Variants in ELL observed in about 807,000 individuals in gnomAD.
ELL encodes elongation factor for RNA polymerase II.
In ELL, 18 loss-of-function variants were observed where a neutral mutation model predicts 64.0. That is an observed-to-expected ratio of 0.28 (90% CI 0.19 to 0.42). ELL has a LOEUF of 0.42. Ranked by LOEUF, ELL falls within the 10% of genes least tolerant of loss-of-function variation. The pLI is 1.00. For synonymous variants in ELL, 399 were observed against 376.2 expected, an observed-to-expected ratio of 1.06 and a Z score of -0.70; for missense variants, 797 against 870.4, an observed-to-expected ratio of 0.92 and a Z score of 1.06.
intron 1 of ELL, among the ~76,000 whole-genome samples, chr19:18,487,089 G>C (rs1975433936): frequency 1.3e-5 from 2 of 152,198 alleles, no homozygotes; most frequent in African/African-American, 4.8e-5. Context: ...AAGGCCCTGT[G>C]CGTGTAGACC....
At chr19:18,456,691 AG>A (rs1190860311) in intron 6 of ELL, among the ~76,000 whole-genome samples, 1 of 152,122 alleles carries the variant, frequency 6.6e-6, no homozygotes, top group Non-Finnish European at 1.5e-5. Flanking sequence ...TACCAGGGAC[AG>A]ATCGGGTTTG....
chr19:18,450,345 A>C, intron 8 of ELL, 132 bp downstream of exon 8: 1 of 1,420,968 alleles, frequency 7.0e-7, no homozygotes, highest in South Asian at 1.4e-5. Context: ...GGCAAATCTG[A>C]TGGGGCCTGG....
intron 6 of ELL, among the ~76,000 whole-genome samples, chr19:18,455,501 A>C (rs1974649372): frequency 6.6e-6 from 1 of 151,802 alleles, no homozygotes; most frequent in Non-Finnish European, 1.5e-5. Context: ...GGAAAAAAAA[A>C]AAAAAAAGAA....
At chr19:18,498,933 GA>G (rs1975722889) in intron 1 of ELL, among the ~76,000 whole-genome samples, 1 of 149,718 alleles carries the variant, frequency 6.7e-6, no homozygotes, top group Admixed American at 6.6e-5. Flanking sequence ...CTGGGCAACA[GA>G]GCGAGACTCC....
chr19:18,488,945 A>G (rs187103251), intron 1 of ELL, among the ~76,000 whole-genome samples: 2 of 152,338 alleles, frequency 1.3e-5, no homozygotes, highest in East Asian at 3.9e-4. Flanking sequence ...CCGGCTGACC[A>G]GAGTCCTGAA....
intron 2 of ELL, among the ~76,000 whole-genome samples, chr19:18,466,893 T>C (rs139249518): frequency 7.4e-4 from 113 of 152,270 alleles, no homozygotes; most frequent in Middle Eastern, 3.4e-3. Context: ...TGTGACACCA[T>C]GAGCGCGGGA....
intron 1 of ELL, among the ~76,000 whole-genome samples, chr19:18,514,993 C>A (rs906759573): frequency 3.9e-5 from 6 of 152,328 alleles, no homozygotes; most frequent in African/African-American, 1.4e-4. Flanking sequence ...ATGTCACAAT[C>A]CGGGTGTGAT....
intron 1 of ELL, among the ~76,000 whole-genome samples, chr19:18,484,181 C>T (rs1975364016): frequency 6.6e-6 from 1 of 152,228 alleles, no homozygotes; most frequent in Non-Finnish European, 1.5e-5. Context: ...CGTTTGGCAG[C>T]CAGACGCTGT....
chr19:18,488,215 T>C (rs1341436472), intron 1 of ELL, among the ~76,000 whole-genome samples: 1 of 152,134 alleles, frequency 6.6e-6, no homozygotes, highest in Non-Finnish European at 1.5e-5. Context: ...AGGTCGTGGG[T>C]AAGCGTACAC....
chr19:18,446,868 G>A lies in ELL; in HGVS notation c.1466-54C>T, dbSNP rs1974428657. 3.1e-6 allele frequency: 5 copies of A among 1,592,154 alleles called. No homozygotes were observed. In the South Asian group the frequency reaches 5.5e-5, roughly 18 times the overall value. ...TCTGCGCCCATGGCACCGGTCGGCA[G>A]GAAGCACGCCAGGATGGGGACATGC... On this transcript the variant is annotated intron_variant, in intron 8 of 11. Transcript: ENST00000262809.
chr19:18,494,244 GAGGGGAGGGGA>G (rs931843986), intron 1 of ELL, among the ~76,000 whole-genome samples: 4 of 151,662 alleles, frequency 2.6e-5, no homozygotes, highest in African/African-American at 4.8e-5. Context: ...ATTTTAAAAA[GAGGGGAGGGGA>G]AGGGGAGGGG....
At chr19:18,516,906 G>A (rs1315304006) in intron 1 of ELL, among the ~76,000 whole-genome samples, 1 of 152,114 alleles carries the variant, frequency 6.6e-6, no homozygotes, top group African/African-American at 2.4e-5. Flanking sequence ...GGAGGCAGGT[G>A]GAGCTGAGAT....
chr19:18,492,493 A>C lies in ELL; in HGVS notation c.136-19611T>G, dbSNP rs181641641. ...CTCTGACGTGCTGTTAGTGCATCCA[A>C]CGATGGCTGTGCTGCTATCTGGAAA... On this transcript the variant is annotated intron_variant, in intron 1 of 11. Transcript: ENST00000262809. 8.0e-3 allele frequency among the ~76,000 whole-genome samples: 1,223 copies of C among 152,340 alleles called. 15 individuals are homozygous for C. The highest frequency in any genetic ancestry group is 0.028 in the African/African-American group (1,144 of 41,570).
intron 2 of ELL, among the ~76,000 whole-genome samples, chr19:18,467,852 A>AC (rs1312664002): frequency 2.7e-5 from 1 of 36,716 alleles, no homozygotes; most frequent in African/African-American, 1.7e-4. Context: ...CCTACACACA[A>AC]CCCCCCACAA....
At chr19:18,458,368 G>C (rs775897838) in intron 5 of ELL, 39 bp from the exon 6 acceptor site, 1 of 1,595,348 alleles carries the variant, frequency 6.3e-7, no homozygotes, top group Non-Finnish European at 8.6e-7. Flanking sequence ...TGGGAATCCT[G>C]AGAGAGACGG....
intron 1 of ELL, among the ~76,000 whole-genome samples, chr19:18,514,336 A>G (rs1344087651): frequency 6.6e-6 from 1 of 151,644 alleles, no homozygotes; most frequent in Non-Finnish European, 1.5e-5. Flanking sequence ...ACACGGTGAA[A>G]CCCCATCTCT....
rs34868531 is a variant in ELL at position 18,450,663 on chromosome 19, G to T, written c.1279C>A (p.Leu427Met). 3 of 1,591,544 alleles carry T rather than the reference G, an allele frequency of 1.9e-6. No individual in the cohort carries two copies. Among genetic ancestry groups the T allele is most frequent in the African/African-American group, 2.7e-5 (2 of 74,608 alleles). The change falls in exon 8 of 12, where the codon CTG (leucine) becomes ATG (methionine). Residue 427 changes from leucine (L) to methionine (M), a missense_variant. Leu to Met is a conservative substitution (Grantham distance 15). Coordinates refer to ENST00000262809, the MANE Select transcript of ELL (RefSeq NM_006532.4). ...TGGGCACAGTCCGTCAGCAGGGGCA[G>T]GCCGAGGCGCACAGTGGGGGCTGGG... Reference protein sequence around the residue: ...AAPAPTVRLGLPLLTDCAQPS... With the variant: ...AAPAPTVRLGMPLLTDCAQPS...
intron 10 of ELL, 117 bp from the exon 11 acceptor site, chr19:18,445,385 G>A (rs1051312737): frequency 6.4e-6 from 7 of 1,089,398 alleles, no homozygotes; most frequent in Non-Finnish European, 8.4e-6. Flanking sequence ...CAGCCTCAAG[G>A]ACAAGGCCAA....
In ELL at chr19:18,446,607, G is replaced by T. The variant is rs190526757; in HGVS notation, c.1533-127C>A. The T allele has an allele frequency of 1.9e-5, 28 of 1,488,812 alleles. No individual in the cohort carries two copies. The Admixed American group carries it at 4.1e-4, about 22-fold the overall frequency. The allele number at this position is 1,488,812 out of a possible 1,614,324, so 92.2% of individuals were successfully genotyped here. A position where few individuals can be genotyped will look rare whatever the true frequency, so the allele number is the denominator to read the frequency against. On this transcript the variant is annotated intron_variant, in intron 9 of 11. Coordinates refer to ENST00000262809, the MANE Select transcript of ELL (RefSeq NM_006532.4). Reference sequence around the variant, plus strand: ...ATTCCCTGGATTATGAGGGGGCCTGGCCCAGAAGAGGCTGCTATGTTTGGA... The same window carrying T: ...ATTCCCTGGATTATGAGGGGGCCTGTCCCAGAAGAGGCTGCTATGTTTGGA...
Sources: allele counts gnomAD v4.1 joint callset (sites outside exome capture counted in the v4.1 genomes callset), GRCh38; gene constraint gnomAD v4.1.1; transcripts MANE v1.5; gene names NCBI Gene and HGNC (gene_info 2026-07-23, HGNC 2026-07-21).